Variants in SYNJ1 observed in about 807,000 individuals in gnomAD.
SYNJ1 encodes polyphosphatidylinositol phosphatase SYNJ1.
Under a neutral mutation model 168.2 loss-of-function variants are expected in SYNJ1, and 78 were observed. That is an observed-to-expected ratio of 0.46 (90% CI 0.39 to 0.56). The LOEUF is 0.56. Among genes scored for constraint, SYNJ1 ranks in the 20% least tolerant of loss-of-function variants. The pLI, the probability that SYNJ1 is intolerant of heterozygous loss-of-function variation, is 0.00. For synonymous variants in SYNJ1, 539 were observed against 548.6 expected, an observed-to-expected ratio of 0.98 and a Z score of 0.24; for missense variants, 1,303 against 1,597.6, an observed-to-expected ratio of 0.82 and a Z score of 3.14.
chr21:32,657,531 A>G (rs757973796), intron 19 of SYNJ1, among the ~76,000 whole-genome samples, 185 bp downstream of exon 19: 8 of 152,236 alleles, frequency 5.3e-5, no homozygotes, highest in African/African-American at 1.9e-4. Context: ...ATAGGCTGAA[A>G]AATTAAATAA....
intron 2 of SYNJ1, among the ~76,000 whole-genome samples, chr21:32,714,917 T>G (rs546972661): frequency 1.6e-4 from 24 of 152,232 alleles, no homozygotes; most frequent in Non-Finnish European, 2.6e-4. Context: ...ACCCATTATC[T>G]GAGTTTCAAA....
chr21:32,696,465 G>T (rs1313963981), intron 4 of SYNJ1, among the ~76,000 whole-genome samples: 1 of 152,066 alleles, frequency 6.6e-6, no homozygotes, highest in Non-Finnish European at 1.5e-5. Flanking sequence ...TACCCCTCAG[G>T]GATCTCTCCT....
chr21:32,711,139 C>A (rs752631122), intron 2 of SYNJ1, among the ~76,000 whole-genome samples: 4 of 151,946 alleles, frequency 2.6e-5, no homozygotes, highest in Admixed American at 6.6e-5. Flanking sequence ...TGAAGGGAGC[C>A]CCAACCTACA....
intron 21 of SYNJ1, 133 bp from the exon 22 acceptor site, chr21:32,653,499 G>T: frequency 1.5e-6 from 1 of 675,432 alleles, no homozygotes; most frequent in Non-Finnish European, 2.6e-6. Flanking sequence ...GGGAGCGCAG[G>T]TAGGGCTGGT....
At position 32,660,185 on chromosome 21, in the gene SYNJ1, T is replaced by C. The variant is rs113015937; in HGVS notation, c.2305-2313A>G. On this transcript the variant is annotated intron_variant, in intron 18 of 32. Coordinates refer to ENST00000674351, the MANE Select transcript of SYNJ1 (RefSeq NM_203446.3). ...CCAGTGGCCTATCTCTCAAAACAAC[T>C]AGATGGGGTTTCCAAAGGCTGGCCC... Among the ~76,000 whole-genome samples, 11 of 152,290 alleles carry C rather than the reference T, an allele frequency of 7.2e-5. 1 individual carries two copies. The highest frequency in any genetic ancestry group is 2.6e-4 in the African/African-American group (11 of 41,558).
At position 32,643,431 on chromosome 21, in the gene SYNJ1, C is replaced by A. The variant is rs1218677898; in HGVS notation, c.3457G>T (p.Val1153Leu). The change falls in exon 27 of 33, where the codon GTA becomes TTA. Residue 1153 changes from valine to leucine, a missense_variant. Physicochemically the swap from Val to Leu is conservative, Grantham distance 32 (BLOSUM62 1). This residue lies in a region of SYNJ1 where 383 missense variants were observed against 388.8 expected (regional missense o/e 0.99). Transcript: ENST00000674351. ...GGIGAPPSPG[V>L]ARREMEAPKS... ...TTACCTTCCATCTCTCTCCTAGCTA[C>A]CCCAGGACTGGGAGGGGCTCCAATA... 2.5e-6 allele frequency: 4 copies of A among 1,613,626 alleles called. No homozygotes were observed. The highest frequency in any genetic ancestry group is 3.4e-6 in the Non-Finnish European group (4 of 1,179,798).
In SYNJ1 at chr21:32,695,281, T is replaced by C; in HGVS notation, c.481A>G (p.Asn161Asp). 6.2e-7 allele frequency: 1 copy of C among 1,612,802 alleles called. No individual in the cohort carries two copies. Among genetic ancestry groups the C allele is most frequent in the Non-Finnish European group, 8.5e-7 (1 of 1,179,218 alleles). ...EQTTDNRFFW[N>D]QSLHLHLKHY... The stretch of plus-strand genomic sequence containing the variant: ...TTGAGATGCAAATGCAAAGACTGAT[T>C]CCTAATAGGAAAAGAAATAAATGAT... Residue 161 changes from asparagine (N) to aspartate (D), a missense_variant and splice_region_variant, in exon 5 of 33, where the codon AAT becomes GAT. Physicochemically the swap from Asn to Asp is conservative, Grantham distance 23 (BLOSUM62 1). This residue lies in a region of SYNJ1 where 920 missense variants were observed against 1,208.8 expected (regional missense o/e 0.76). Transcript: ENST00000674351.
At chr21:32,690,056 T>C (rs1257920991) in intron 6 of SYNJ1, among the ~76,000 whole-genome samples, 1 of 152,238 alleles carries the variant, frequency 6.6e-6, no homozygotes, top group Non-Finnish European at 1.5e-5. Flanking sequence ...TGCATAGTAC[T>C]GCAACGGTGC....
intron 31 of SYNJ1, 57 bp from the exon 32 acceptor site, chr21:32,634,941 A>G (rs2039499533): frequency 5.1e-6 from 8 of 1,581,558 alleles, no homozygotes; most frequent in Non-Finnish European, 6.1e-6. Flanking sequence ...TCCGAGATCA[A>G]CCAGCAACCC....
chr21:32,702,852 CT>C (rs1320747326), intron 2 of SYNJ1, among the ~76,000 whole-genome samples: 38 of 152,304 alleles, frequency 2.5e-4, no homozygotes, highest in African/African-American at 8.9e-4. Context: ...TTTCCTTTAT[CT>C]ACAAAATAGG....
At chr21:32,667,861 T>G in intron 15 of SYNJ1, among the ~76,000 whole-genome samples, 1 of 152,220 alleles carries the variant, frequency 6.6e-6, no homozygotes, top group African/African-American at 2.4e-5. Flanking sequence ...TATTGTTCAC[T>G]GTCCGTTTCT....
rs748494423 is a variant in SYNJ1, at chr21:32,631,810, G to T, written c.*4-9C>A. The T allele has an allele frequency of 6.3e-7, 1 of 1,598,958 alleles. No individual in the cohort carries two copies. Among genetic ancestry groups the T allele is most frequent in the South Asian group, 1.1e-5 (1 of 89,260 alleles). On this transcript the variant is annotated splice_polypyrimidine_tract_variant and intron_variant, in intron 32 of 32. Transcript: ENST00000674351. The stretch of plus-strand genomic sequence containing the variant: ...ATTCCATTTGTTTTTACCTGCAAAA[G>T]AAAGGGAGCACTGAAAAATCAGTTT...
chr21:32,716,854 T>C lies in SYNJ1; in HGVS notation c.124+9918A>G, dbSNP rs1264717208. The stretch of plus-strand genomic sequence containing the variant: ...TTTAGCCTTTTTTCTCTCTGTATTT[T>C]ATTTTGGACAGTTTCTATTACTATG... On this transcript the variant is annotated intron_variant, in intron 2 of 32. Transcript: ENST00000674351. Among the ~76,000 whole-genome samples, 9 of 152,344 alleles carry C rather than the reference T, an allele frequency of 5.9e-5. No individual in the cohort carries two copies. In the East Asian group the frequency reaches 1.7e-3, roughly 29 times the overall value.
chr21:32,712,408 C>T (rs2042861287), intron 2 of SYNJ1, among the ~76,000 whole-genome samples: 1 of 152,106 alleles, frequency 6.6e-6, no homozygotes, highest in Non-Finnish European at 1.5e-5. Context: ...CTTTCCATTT[C>T]ATCATATATA....
intron 31 of SYNJ1, among the ~76,000 whole-genome samples, chr21:32,637,198 T>C (rs2039606444): frequency 6.6e-6 from 1 of 152,156 alleles, no homozygotes; most frequent in Non-Finnish European, 1.5e-5. Flanking sequence ...ATGAGATGGA[T>C]GCCCTAAAAC....
intron 2 of SYNJ1, among the ~76,000 whole-genome samples, chr21:32,725,485 T>G (rs140008196): frequency 3.6e-4 from 55 of 152,338 alleles, no homozygotes; most frequent in Non-Finnish European, 6.0e-4. Flanking sequence ...GAGCCCCTTC[T>G]CCTTCATTCA....
intron 14 of SYNJ1, 137 bp from the exon 15 acceptor site, chr21:32,670,509 AAC>A: frequency 1.4e-6 from 1 of 691,620 alleles, no homozygotes; most frequent in South Asian, 2.2e-5. Context: ...ATTAAAGGCA[AAC>A]ACTCTTGAGT....
intron 29 of SYNJ1, among the ~76,000 whole-genome samples, chr21:32,641,491 A>G (rs1024722882): frequency 7.2e-5 from 11 of 152,192 alleles, no homozygotes; most frequent in Non-Finnish European, 1.5e-4. Flanking sequence ...AACCTTTAGA[A>G]CCAGTTTTAC....
At chr21:32,697,593 A>G (rs934262892) in intron 4 of SYNJ1, among the ~76,000 whole-genome samples, 1 of 152,028 alleles carries the variant, frequency 6.6e-6, no homozygotes, top group Non-Finnish European at 1.5e-5. Context: ...TGAGGTCAGG[A>G]GTTGGAGACC....
Sources: gnomAD v4.1 joint callset for allele counts (sites outside exome capture counted in the v4.1 genomes callset) on GRCh38, gnomAD v4.1.1 for gene constraint, gnomAD v4.1.1 regional missense constraint, MANE v1.5 for transcripts, NCBI Gene and HGNC (gene_info 2026-07-23, HGNC 2026-07-21) for gene names.